Variants in HIRA observed in about 807,000 individuals in gnomAD.
HIRA encodes protein HIRA.
In HIRA, 13 loss-of-function variants were observed where a neutral mutation model predicts 126.6. The observed-to-expected ratio is 0.10, with a 90% confidence interval of 0.07 to 0.16. HIRA has a LOEUF of 0.16. Ranked by LOEUF, HIRA falls within the 10% of genes least tolerant of loss-of-function variation. The pLI is 1.00. For synonymous variants in HIRA, 511 were observed against 520.0 expected (o/e 0.98, Z 0.24); for missense variants, 834 against 1,314.4 (o/e 0.63, Z 5.65).
intron 24 of HIRA, among the ~76,000 whole-genome samples, chr22:19,346,858 C>T (rs1157862344): frequency 1.3e-5 from 2 of 152,084 alleles, no homozygotes; most frequent in African/African-American, 2.4e-5. Context: ...GGAGGGGAAC[C>T]ACAGATTCTC....
intron 24 of HIRA, among the ~76,000 whole-genome samples, chr22:19,335,025 T>C (rs2088548752): frequency 6.6e-6 from 1 of 152,178 alleles, no homozygotes; most frequent in Non-Finnish European, 1.5e-5. Context: ...GTTTTGGTGG[T>C]TGCTCTAGGG....
At chr22:19,403,243 C>A (rs895222164) in intron 5 of HIRA, among the ~76,000 whole-genome samples, 1 of 152,074 alleles carries the variant, frequency 6.6e-6, no homozygotes, top group Non-Finnish European at 1.5e-5. Context: ...TCCCATCTAA[C>A]TTCCTAGTAT....
intron 1 of HIRA, among the ~76,000 whole-genome samples, chr22:19,416,490 C>G (rs1307641255): frequency 6.6e-6 from 1 of 151,974 alleles, no homozygotes; most frequent in East Asian, 1.9e-4. Flanking sequence ...CTGGTGCGCA[C>G]CACCACGCCT....
intron 7 of HIRA, 34 bp downstream of exon 7, chr22:19,396,753 C>CG: frequency 2.5e-6 from 4 of 1,606,984 alleles, no homozygotes; most frequent in Non-Finnish European, 3.4e-6. Context: ...GGGGCAGCTG[C>CG]GGGGGCTCAG....
Position 19,394,389 on chromosome 22 carries a change from T to C in HIRA, c.775A>G (p.Lys259Glu). The change falls in exon 8 of 25, where the codon AAG (lysine) becomes GAG (glutamate). Residue 259 changes from lysine to glutamate, a missense_variant. Around this residue, in one of 5 missense-constraint regions of HIRA, gnomAD observed 53 missense variants for 163.7 expected, o/e 0.32. Coordinates refer to ENST00000263208, the MANE Select transcript of HIRA (RefSeq NM_003325.4). ...TGCCCAACAAAGTCCATGTTGGTCT[T>C]CCATCCCTCCCGTTCGATGATCTGG... ...TAQIIEREGW[K>E]TNMDFVGHRK... is the part of the protein sequence containing the mutation. 2 of 1,614,202 alleles carry C rather than the reference T, an allele frequency of 1.2e-6. No homozygotes were observed. The highest frequency in any genetic ancestry group is 1.7e-6 in the Non-Finnish European group (2 of 1,180,038).
intron 9 of HIRA, among the ~76,000 whole-genome samples, chr22:19,390,742 CTTTCTGTGTGTCTT>C (rs1180719413): frequency 3.3e-5 from 5 of 151,776 alleles, no homozygotes; most frequent in Admixed American, 3.3e-4. Context: ...GAGGCGTCAG[CTTTCTGTGTGTCTT>C]TTTCTGTGGA....
At chr22:19,360,078 T>G (rs1207398245) in intron 17 of HIRA, among the ~76,000 whole-genome samples, 5 of 152,166 alleles carry the variant, frequency 3.3e-5, no homozygotes, top group African/African-American at 1.2e-4. Flanking sequence ...TGGCACCAAA[T>G]GGGCTCAGCC....
intron 24 of HIRA, among the ~76,000 whole-genome samples, chr22:19,340,777 A>T (rs1313699589): frequency 1.3e-5 from 2 of 152,216 alleles, no homozygotes; most frequent in Non-Finnish European, 2.9e-5. Flanking sequence ...CTGCAAATAA[A>T]ATAAAATAAA....
At chr22:19,421,390 C>T (rs186299393) in intron 1 of HIRA, among the ~76,000 whole-genome samples, 1 of 151,824 alleles carries the variant, frequency 6.6e-6, no homozygotes, top group Admixed American at 6.6e-5. Context: ...ACACCAAAGA[C>T]ATTGGATTTG....
In HIRA at chr22:19,351,907, G is replaced by A. The variant is rs1556011031; in HGVS notation, c.2849-461C>T. 6.6e-6 allele frequency among the ~76,000 whole-genome samples: 1 copy of A among 152,122 alleles called. No homozygotes were observed. Among genetic ancestry groups the A allele is most frequent in the East Asian group, 1.9e-4 (1 of 5,182 alleles). On this transcript the variant is annotated intron_variant, in intron 23 of 24. Transcript: ENST00000263208. This position sits in a 1 kb window ranked among gnomAD's most constrained non-coding sequence, Gnocchi z 4.8. ...GACTGAAGAGGGGCAACTGAGTGGAGGGGGCATAGGTCCATTAACTCAAGG... is the reference window on the plus strand; with the variant it reads ...GACTGAAGAGGGGCAACTGAGTGGAAGGGGCATAGGTCCATTAACTCAAGG...
At chr22:19,397,009 G>T (rs1569306649) in intron 6 of HIRA, 62 bp from the exon 7 acceptor site, 2 of 1,500,582 alleles carry the variant, frequency 1.3e-6, no homozygotes, top group Non-Finnish European at 1.8e-6. Context: ...TGCAATCCAT[G>T]GGCCATGGGA....
At chr22:19,389,673 T>A (rs990936107) in intron 9 of HIRA, among the ~76,000 whole-genome samples, 2 of 151,970 alleles carry the variant, frequency 1.3e-5, no homozygotes, top group Non-Finnish European at 2.9e-5. Flanking sequence ...CCCTCAGAAA[T>A]CTACAGGCCG....
chr22:19,342,548 G>GCACA (rs1556007862), intron 24 of HIRA, among the ~76,000 whole-genome samples: 28 of 152,238 alleles, frequency 1.8e-4, no homozygotes, highest in Admixed American at 7.9e-4. Context: ...CACCATGGTT[G>GCACA]GCTAATTTTT....
At chr22:19,429,371 C>T (rs988129115) in intron 1 of HIRA, among the ~76,000 whole-genome samples, 5 of 152,012 alleles carry the variant, frequency 3.3e-5, no homozygotes, top group East Asian at 1.9e-4. Flanking sequence ...CTCTTGACCT[C>T]GTGATCCACC....
chr22:19,374,802 A>T (rs921061200), intron 15 of HIRA, among the ~76,000 whole-genome samples: 4 of 152,190 alleles, frequency 2.6e-5, no homozygotes, highest in African/African-American at 4.8e-5. Context: ...GGCACAGGCT[A>T]GGGTGTGTCT....
At chr22:19,382,081 T>G (rs948917777) in intron 13 of HIRA, among the ~76,000 whole-genome samples, 1 of 152,252 alleles carries the variant, frequency 6.6e-6, no homozygotes, top group African/African-American at 2.4e-5. Context: ...CTACTTTGTA[T>G]ATTTATGCTT....
intron 9 of HIRA, among the ~76,000 whole-genome samples, chr22:19,391,050 A>G (rs749004205): frequency 3.9e-5 from 6 of 152,144 alleles, no homozygotes; most frequent in Non-Finnish European, 8.8e-5. Flanking sequence ...AAGAATGTTC[A>G]TATCAGCTTT....
chr22:19,392,229 C>A lies in HIRA; in HGVS notation c.823-15G>T. The A allele has an allele frequency of 6.6e-7, 1 of 1,513,858 alleles. No homozygotes were observed. The highest frequency in any genetic ancestry group is 9.2e-7 in the Non-Finnish European group (1 of 1,090,806). 93.8% of individuals were successfully genotyped at this position (1,513,858 alleles called of 1,614,324 possible). On this transcript the variant is annotated splice_polypyrimidine_tract_variant and intron_variant, in intron 8 of 24. Transcript: ENST00000263208. Reference sequence around the variant, plus strand: ...GGGTTGAATTTCTAAAGCCAAATAACAGATGTTAAAAATAATTAATCAAGC... The same window carrying A: ...GGGTTGAATTTCTAAAGCCAAATAAAAGATGTTAAAAATAATTAATCAAGC...
At chr22:19,346,748 T>C (rs1218802978) in intron 24 of HIRA, among the ~76,000 whole-genome samples, 1 of 152,192 alleles carries the variant, frequency 6.6e-6, no homozygotes, top group Admixed American at 6.5e-5. Context: ...TCTCCTTCCC[T>C]GATCTTGGAC....
Sources: gnomAD v4.1 joint callset for allele counts (sites outside exome capture counted in the v4.1 genomes callset) on GRCh38, gnomAD v4.1.1 for gene constraint, gnomAD v4.1.1 regional missense constraint, Gnocchi (gnomAD v3.1) non-coding constraint, MANE v1.5 for transcripts, NCBI Gene and HGNC (gene_info 2026-07-23, HGNC 2026-07-21) for gene names.